The following CHCHD3 variants were observed in gnomAD, a reference collection of about 807,000 sequenced individuals.
The protein encoded by CHCHD3 is coiled-coil-helix-coiled-coil-helix domain containing 3, also known as MICOS complex subunit MIC19.
Under a neutral mutation model 38.2 loss-of-function variants are expected in CHCHD3, and 20 were observed. The ratio of observed to expected loss-of-function variants is 0.52; its 90% CI spans 0.37 to 0.76. The LOEUF is 0.76. Ranked by LOEUF, CHCHD3 falls within the 30% of genes least tolerant of loss-of-function variation. The pLI, the probability that CHCHD3 is intolerant of heterozygous loss-of-function variation, is 0.00. For synonymous variants in CHCHD3, 82 were observed against 100.0 expected, an observed-to-expected ratio of 0.82 and a Z score of 1.07; for missense variants, 245 against 279.2, an observed-to-expected ratio of 0.88 and a Z score of 0.87.
chr7:132,992,435 A>G (rs1812307290), intron 3 of CHCHD3, among the ~76,000 whole-genome samples: 1 of 152,122 alleles, frequency 6.6e-6, no homozygotes, highest in Non-Finnish European at 1.5e-5. Flanking sequence ...CTCTCCTCCA[A>G]GCTTTAATGT....
At chr7:132,964,230 G>C (rs538824949) in intron 4 of CHCHD3, among the ~76,000 whole-genome samples, 1 of 152,236 alleles carries the variant, frequency 6.6e-6, no homozygotes, top group African/African-American at 2.4e-5. Flanking sequence ...TATTCAAAGT[G>C]ACAAAAATAA....
chr7:132,810,932 A>G (rs1364877133), intron 6 of CHCHD3, among the ~76,000 whole-genome samples: 1 of 152,106 alleles, frequency 6.6e-6, no homozygotes, highest in Admixed American at 6.6e-5. Context: ...TCCTGCCACA[A>G]TGTTATGGCA....
intron 6 of CHCHD3, 145 bp downstream of exon 6, chr7:132,838,254 C>G (rs1807840942): frequency 1.9e-6 from 1 of 524,724 alleles, no homozygotes; most frequent in East Asian, 3.0e-5. Flanking sequence ...TAGCAGATAA[C>G]ATGGCCCCCA....
Position 132,831,980 on chromosome 7 carries a change from C to A in CHCHD3, c.524+6419G>T, listed in dbSNP as rs1174954645. ...TATTGGCGTGTCTTCCTCGGCTTCA[C>A]CAATTCATCCGTAATATAGCTATTA... On this transcript the variant is annotated intron_variant, in intron 6 of 7. Coordinates refer to ENST00000262570, the MANE Select transcript of CHCHD3 (RefSeq NM_017812.4). Among the ~76,000 whole-genome samples, 5 of 152,160 alleles carry A rather than the reference C, an allele frequency of 3.3e-5. No homozygotes were observed. In the South Asian group the frequency reaches 6.2e-4, roughly 19 times the overall value.
At chr7:132,996,890 A>G (rs1027897017) in intron 3 of CHCHD3, among the ~76,000 whole-genome samples, 1 of 152,258 alleles carries the variant, frequency 6.6e-6, no homozygotes, top group Middle Eastern at 3.2e-3. Flanking sequence ...TCTTCGGCAT[A>G]CTGCCTACAT....
intron 2 of CHCHD3, 147 bp from the exon 3 acceptor site, chr7:133,024,774 C>T: frequency 1.6e-6 from 1 of 641,944 alleles, no homozygotes; most frequent in Non-Finnish European, 2.8e-6. Flanking sequence ...ACTTCTCAAG[C>T]ACTGTGGAAA....
chr7:133,044,846 T>A (rs1584668474), intron 2 of CHCHD3, among the ~76,000 whole-genome samples: 1 of 152,146 alleles, frequency 6.6e-6, no homozygotes, highest in East Asian at 1.9e-4. Flanking sequence ...AATCTGCAGC[T>A]CTCCTCCCCA....
At chr7:132,988,452 CAG>C (rs1249671206) in intron 3 of CHCHD3, among the ~76,000 whole-genome samples, 1 of 151,868 alleles carries the variant, frequency 6.6e-6, no homozygotes, top group East Asian at 1.9e-4. Flanking sequence ...AGAATGAATA[CAG>C]AGTGTGAGCA....
At chr7:132,826,391 A>C (rs1039199787) in intron 6 of CHCHD3, among the ~76,000 whole-genome samples, 1 of 152,236 alleles carries the variant, frequency 6.6e-6, no homozygotes. Flanking sequence ...CAGATGTATC[A>C]CTGCACAGTG....
chr7:132,802,091 T>C (rs1806807927), intron 6 of CHCHD3, among the ~76,000 whole-genome samples: 1 of 152,212 alleles, frequency 6.6e-6, no homozygotes, highest in Non-Finnish European at 1.5e-5. Flanking sequence ...TCATACACCC[T>C]AAACAGATGG....
chr7:133,036,959 G>T (rs1813697104), intron 2 of CHCHD3, among the ~76,000 whole-genome samples: 2 of 152,084 alleles, frequency 1.3e-5, no homozygotes, highest in South Asian at 4.2e-4. Flanking sequence ...AGAATTTGTG[G>T]TGCATTTTCA....
chr7:133,016,249 C>T (rs1410007786), intron 3 of CHCHD3, among the ~76,000 whole-genome samples: 1 of 152,112 alleles, frequency 6.6e-6, no homozygotes, highest in Non-Finnish European at 1.5e-5. Flanking sequence ...AATGAAAATA[C>T]ATAAAATGCT....
intron 5 of CHCHD3, among the ~76,000 whole-genome samples, chr7:132,852,274 TA>T (rs1808237964): frequency 6.6e-6 from 1 of 152,152 alleles, no homozygotes; most frequent in Non-Finnish European, 1.5e-5. Context: ...GGGTAAGTCC[TA>T]GGAATGGAAG....
chr7:132,972,734 T>C, intron 4 of CHCHD3: 2 of 985,424 alleles, frequency 2.0e-6, no homozygotes, highest in Non-Finnish European at 2.4e-6. Context: ...TCCACTTTTA[T>C]TCCCTAAGTG....
intron 7 of CHCHD3, among the ~76,000 whole-genome samples, chr7:132,790,598 C>T (rs1360887132): frequency 6.6e-6 from 1 of 152,190 alleles, no homozygotes; most frequent in Non-Finnish European, 1.5e-5. Context: ...CACCCTGTGA[C>T]CAGCATCCCA....
chr7:133,052,671 G>A (rs951415298), intron 2 of CHCHD3, among the ~76,000 whole-genome samples: 2 of 152,168 alleles, frequency 1.3e-5, no homozygotes, highest in African/African-American at 4.8e-5. Context: ...ACATTTGTAT[G>A]TATACAAATG....
intron 4 of CHCHD3, among the ~76,000 whole-genome samples, chr7:132,919,680 G>A (rs1810210605): frequency 6.6e-6 from 1 of 152,194 alleles, no homozygotes; most frequent in Non-Finnish European, 1.5e-5. Context: ...ACAAATGAGA[G>A]TCTTTCGTGC....
intron 3 of CHCHD3, among the ~76,000 whole-genome samples, chr7:133,003,373 T>G (rs1200658855): frequency 6.6e-6 from 1 of 152,174 alleles, no homozygotes; most frequent in Non-Finnish European, 1.5e-5. Context: ...AAATTAACCT[T>G]TCTGGGTTTG....
At chr7:133,027,343 A>C (rs1813369361) in intron 2 of CHCHD3, among the ~76,000 whole-genome samples, 1 of 144,584 alleles carries the variant, frequency 6.9e-6, no homozygotes, top group Admixed American at 7.1e-5. Flanking sequence ...TGATATGCTA[A>C]ATGTACCTTA....
Sources: allele counts gnomAD v4.1 joint callset (sites outside exome capture counted in the v4.1 genomes callset), GRCh38; gene constraint gnomAD v4.1.1; transcripts MANE v1.5; gene names NCBI Gene and HGNC (gene_info 2026-07-23, HGNC 2026-07-21).